The following CTNNA3 variants were observed in gnomAD, a reference collection of about 807,000 sequenced individuals.
CTNNA3 encodes catenin alpha-3.
A neutral mutation model predicts 95.7 loss-of-function variants in CTNNA3; 76 were observed. The observed-to-expected ratio is 0.79, with a 90% CI of 0.66 to 0.96. The LOEUF (loss-of-function observed/expected upper bound fraction) is 0.96. Ranked by LOEUF, CTNNA3 falls within the 40% of genes least tolerant of loss-of-function variation. The probability of loss-of-function intolerance (pLI) is 0.00; values close to 1 mark genes in which losing one functional copy is unlikely to be tolerated. For synonymous variants in CTNNA3, 431 were observed against 374.4 expected (o/e 1.15, Z -1.74); for missense variants, 1,191 against 1,089.8 (o/e 1.09, Z -1.31).
rs187356174 is a variant in CTNNA3, at chr10:66,438,789, A to C, written c.1532-59437T>G. 2.6e-5 allele frequency among the ~76,000 whole-genome samples: 4 copies of C among 152,298 alleles called. No homozygotes were observed. In the East Asian group the frequency reaches 7.7e-4, roughly 29 times the overall value. On this transcript the variant is annotated intron_variant, in intron 11 of 17. Transcript: ENST00000433211. Reference sequence around the variant, plus strand: ...TCAGTGTCTGCCCAAACAGCTGCCCAGTTTCGTGCTTGAAATCTAGGGCCC... The same window carrying C: ...TCAGTGTCTGCCCAAACAGCTGCCCCGTTTCGTGCTTGAAATCTAGGGCCC...
chr10:66,096,673 A>G (rs1328803699), intron 14 of CTNNA3, among the ~76,000 whole-genome samples: 2 of 151,676 alleles, frequency 1.3e-5, no homozygotes, highest in Non-Finnish European at 2.9e-5. Context: ...ACAGGCATGC[A>G]TTGCCATGCC....
chr10:66,824,847 A>G (rs1398222940), intron 7 of CTNNA3, among the ~76,000 whole-genome samples: 2 of 152,168 alleles, frequency 1.3e-5, no homozygotes, highest in Non-Finnish European at 2.9e-5. Flanking sequence ...GGGACAGAAA[A>G]GGGGCATTAG....
At chr10:66,393,559 T>A (rs554879655) in intron 11 of CTNNA3, among the ~76,000 whole-genome samples, 4 of 152,204 alleles carry the variant, frequency 2.6e-5, no homozygotes, top group Non-Finnish European at 4.4e-5. Flanking sequence ...GTAGGAATTG[T>A]GAACATACTA....
chr10:67,111,230 T>A (rs1250228611), intron 7 of CTNNA3, among the ~76,000 whole-genome samples: 1 of 152,150 alleles, frequency 6.6e-6, no homozygotes, highest in East Asian at 1.9e-4. Context: ...CATTAATTTA[T>A]CTTGAAAAAT....
chr10:67,726,189 A>G (rs1475613722), intron 1 of CTNNA3, among the ~76,000 whole-genome samples: 15 of 106,064 alleles, frequency 1.4e-4, no homozygotes, highest in Non-Finnish European at 2.2e-4. Flanking sequence ...ATATTATTAT[A>G]ATATATAATA....
At chr10:66,946,045 A>G (rs1848255798) in intron 7 of CTNNA3, among the ~76,000 whole-genome samples, 1 of 152,234 alleles carries the variant, frequency 6.6e-6, no homozygotes, top group Non-Finnish European at 1.5e-5. Context: ...AACAAAATGT[A>G]ACACAGAGAC....
At chr10:67,340,128 T>G (rs1428150539) in intron 5 of CTNNA3, among the ~76,000 whole-genome samples, 1 of 152,150 alleles carries the variant, frequency 6.6e-6, no homozygotes, top group African/African-American at 2.4e-5. Flanking sequence ...AAAGAATGCT[T>G]GGAATGTTTG....
chr10:66,219,889 T>A (rs1367777475), intron 13 of CTNNA3, among the ~76,000 whole-genome samples: 2 of 152,098 alleles, frequency 1.3e-5, no homozygotes, highest in Non-Finnish European at 2.9e-5. Context: ...TTTGGGAGGC[T>A]GAGGCGGGCG....
intron 7 of CTNNA3, among the ~76,000 whole-genome samples, chr10:67,163,241 C>T (rs1330709135): frequency 6.6e-6 from 1 of 151,842 alleles, no homozygotes; most frequent in Non-Finnish European, 1.5e-5. Context: ...AAATAGAATT[C>T]ATCCATATGT....
At chr10:66,286,419 T>C (rs2091589823) in intron 12 of CTNNA3, among the ~76,000 whole-genome samples, 1 of 152,066 alleles carries the variant, frequency 6.6e-6, no homozygotes, top group Non-Finnish European at 1.5e-5. Context: ...CTGTTAAATC[T>C]TCCTCTTTTA....
chr10:66,499,188 G>T (rs1186640792), intron 11 of CTNNA3, among the ~76,000 whole-genome samples: 1 of 152,082 alleles, frequency 6.6e-6, no homozygotes, highest in Non-Finnish European at 1.5e-5. Context: ...GGTGGGAGAG[G>T]AAAGAGCCTC....
intron 12 of CTNNA3, among the ~76,000 whole-genome samples, chr10:66,355,300 T>A (rs2092600409): frequency 6.6e-6 from 1 of 152,142 alleles, no homozygotes; most frequent in South Asian, 2.1e-4. Flanking sequence ...GGATCCACCA[T>A]TTAACTGGGT....
chr10:66,695,671 G>T (rs903843900), intron 9 of CTNNA3, among the ~76,000 whole-genome samples: 1 of 152,014 alleles, frequency 6.6e-6, no homozygotes, highest in Non-Finnish European at 1.5e-5. Flanking sequence ...CCTGTTACAG[G>T]TTTGTTGAGA....
chr10:65,998,190 C>T (rs1007916907), intron 15 of CTNNA3, among the ~76,000 whole-genome samples: 8 of 152,016 alleles, frequency 5.3e-5, no homozygotes, highest in Non-Finnish European at 8.8e-5. Flanking sequence ...CATTTGTTTC[C>T]GGAGTGAGTG....
intron 7 of CTNNA3, among the ~76,000 whole-genome samples, chr10:66,868,372 T>A (rs373504252): frequency 2.1e-5 from 3 of 143,162 alleles, no homozygotes; most frequent in Middle Eastern, 3.6e-3. Context: ...TCGCAAAAAT[T>A]AAAAAAAAAA....
chr10:67,474,241 T>C (rs1185109745), intron 5 of CTNNA3, among the ~76,000 whole-genome samples: 1 of 152,196 alleles, frequency 6.6e-6, no homozygotes, highest in Non-Finnish European at 1.5e-5. Context: ...TGGAGGGTCC[T>C]GAATACCAGA....
intron 5 of CTNNA3, among the ~76,000 whole-genome samples, chr10:67,320,090 C>T (rs998856415): frequency 6.6e-6 from 1 of 151,988 alleles, no homozygotes; most frequent in East Asian, 1.9e-4. Flanking sequence ...TACACATGAG[C>T]CCTTGATGGA....
chr10:67,639,593 T>C (rs1178123915), intron 2 of CTNNA3, among the ~76,000 whole-genome samples: 3 of 151,228 alleles, frequency 2.0e-5, no homozygotes, highest in African/African-American at 7.3e-5. Flanking sequence ...TGAACATCGA[T>C]GCAAAAATCC....
At chr10:66,919,910 T>A (rs940870821) in intron 7 of CTNNA3, among the ~76,000 whole-genome samples, 42 of 152,352 alleles carry the variant, frequency 2.8e-4, no homozygotes, top group African/African-American at 1.0e-3. Flanking sequence ...AACATTAAAC[T>A]CTTTACAAAA....
Sources: gnomAD v4.1 joint callset for allele counts (sites outside exome capture counted in the v4.1 genomes callset) on GRCh38, gnomAD v4.1.1 for gene constraint, MANE v1.5 for transcripts, NCBI Gene and HGNC (gene_info 2026-07-23, HGNC 2026-07-21) for gene names.